KCNIP4: variants seen among roughly 807,000 people sequenced by gnomAD.
The protein encoded by KCNIP4 is potassium voltage-gated channel interacting protein 4.
In KCNIP4, 12 loss-of-function variants were observed where a neutral mutation model predicts 34.0. That is an observed-to-expected ratio of 0.35 (90% CI 0.23 to 0.57). The LOEUF (loss-of-function observed/expected upper bound fraction) is 0.57, where lower values mean the gene tolerates loss of function less well. Among genes scored for constraint, KCNIP4 ranks in the 20% least tolerant of loss-of-function variants. KCNIP4 has a pLI of 0.83. For missense variants in KCNIP4, 238 were observed against 311.7 expected (o/e 0.76, Z 1.78); for synonymous variants, 124 against 102.2 (o/e 1.21, Z -1.29).
Position 21,364,723 on chromosome 4 carries a change from T to C in KCNIP4, c.62-482014A>G, listed in dbSNP as rs572678873. Among the ~76,000 whole-genome samples the C allele has an allele frequency of 8.5e-5, 13 of 152,138 alleles. 1 individual carries two copies. Among genetic ancestry groups the C allele is most frequent in the African/African-American group, 2.9e-4 (12 of 41,542 alleles). On this transcript the variant is annotated intron_variant, in intron 1 of 8. Coordinates refer to ENST00000382152, the MANE Select transcript of KCNIP4 (RefSeq NM_025221.6). ...AAATTTCAAGAGCCATATAATCAAA[T>C]AGATTATAAGGACACACAAACCAAA...
At chr4:20,827,360 G>A (rs1405125086) in intron 3 of KCNIP4, among the ~76,000 whole-genome samples, 1 of 152,128 alleles carries the variant, frequency 6.6e-6, no homozygotes, top group East Asian at 1.9e-4. Flanking sequence ...ACTTGCAGAT[G>A]ACTAGCCTCT....
chr4:21,798,584 AAG>A (rs144137906), intron 1 of KCNIP4, among the ~76,000 whole-genome samples: 54,668 of 141,978 alleles, frequency 0.39, 11,759 homozygotes, highest in Non-Finnish European at 0.51. Flanking sequence ...GAAAGAAAGA[AAG>A]AGAAAAAATG....
chr4:21,590,073 T>C (rs950476310), intron 1 of KCNIP4, among the ~76,000 whole-genome samples: 1 of 151,942 alleles, frequency 6.6e-6, no homozygotes, highest in Non-Finnish European at 1.5e-5. Flanking sequence ...TTAGAGCTTG[T>C]ATTGTCTTGA....
intron 1 of KCNIP4, among the ~76,000 whole-genome samples, chr4:21,342,823 T>A (rs1419790826): frequency 2.6e-5 from 4 of 152,090 alleles, no homozygotes; most frequent in Non-Finnish European, 5.9e-5. Context: ...CTTTTCCTGA[T>A]ACAAGTCCTC....
chr4:20,829,249 C>T (rs1718134912), intron 3 of KCNIP4, among the ~76,000 whole-genome samples: 1 of 151,964 alleles, frequency 6.6e-6, no homozygotes, highest in Non-Finnish European at 1.5e-5. Flanking sequence ...ACTCTGTCGC[C>T]CAGGCTGGAG....
intron 1 of KCNIP4, among the ~76,000 whole-genome samples, chr4:20,886,016 C>A (rs1725266223): frequency 6.6e-6 from 1 of 152,186 alleles, no homozygotes; most frequent in African/African-American, 2.4e-5. Context: ...CTATGTTTCT[C>A]CATAGCAAGT....
At chr4:20,911,287 G>A (rs184579765) in intron 1 of KCNIP4, among the ~76,000 whole-genome samples, 3 of 152,184 alleles carry the variant, frequency 2.0e-5, no homozygotes, top group African/African-American at 2.4e-5. Context: ...TTCAATAAGT[G>A]CCCAGTTTAC....
intron 1 of KCNIP4, among the ~76,000 whole-genome samples, chr4:21,400,493 C>T (rs1316169797): frequency 1.4e-5 from 2 of 139,986 alleles, no homozygotes; most frequent in African/African-American, 5.8e-5. Flanking sequence ...CTCTCCTCTC[C>T]CCTCCCTTCC....
At chr4:21,193,813 C>T (rs2109355666) in intron 1 of KCNIP4, among the ~76,000 whole-genome samples, 1 of 152,144 alleles carries the variant, frequency 6.6e-6, no homozygotes, top group African/African-American at 2.4e-5. Context: ...CCTCGTGATC[C>T]ACCCACCTCG....
At chr4:20,767,339 C>A (rs953023677) in intron 3 of KCNIP4, 2 of 152,074 alleles carry the variant, frequency 1.3e-5, no homozygotes, top group African/African-American at 4.8e-5. Context: ...AGAATAAAGG[C>A]CACCATCATG....
intron 1 of KCNIP4, among the ~76,000 whole-genome samples, chr4:21,335,154 GA>G (rs35113686): frequency 3.8e-4 from 57 of 150,102 alleles, no homozygotes; most frequent in African/African-American, 1.3e-3. Flanking sequence ...AATTTAGTAG[GA>G]AAAAAAAATA....
At chr4:21,686,968 A>G (rs2109034764) in intron 1 of KCNIP4, among the ~76,000 whole-genome samples, 2 of 149,258 alleles carry the variant, frequency 1.3e-5, no homozygotes, top group Middle Eastern at 6.8e-3. Flanking sequence ...GCACATATAC[A>G]CCATGGAATA....
chr4:21,875,385 AATAG>A (rs1726051365), intron 1 of KCNIP4, among the ~76,000 whole-genome samples: 1 of 152,208 alleles, frequency 6.6e-6, no homozygotes, highest in Admixed American at 6.6e-5. Flanking sequence ...CAAACAAATA[AATAG>A]ATAGAAATAA....
chr4:21,443,381 A>G (rs67827706), intron 1 of KCNIP4, among the ~76,000 whole-genome samples: 14,618 of 152,182 alleles, frequency 0.096, 714 homozygotes, highest in East Asian at 0.18. Flanking sequence ...GCTGTAGAAT[A>G]TGTTAGTATA....
intron 1 of KCNIP4, among the ~76,000 whole-genome samples, chr4:21,676,141 G>A (rs960674380): frequency 6.6e-6 from 1 of 152,176 alleles, no homozygotes; most frequent in African/African-American, 2.4e-5. Context: ...CCTTTCTAGA[G>A]TATGACTGCC....
At chr4:21,381,768 G>A (rs17462464) in intron 1 of KCNIP4, among the ~76,000 whole-genome samples, 1 of 152,148 alleles carries the variant, frequency 6.6e-6, no homozygotes, top group East Asian at 1.9e-4. Context: ...ATAAATTAAT[G>A]TTTCTACGAC....
chr4:21,666,252 G>T (rs1428006959), intron 1 of KCNIP4, among the ~76,000 whole-genome samples: 1 of 152,206 alleles, frequency 6.6e-6, no homozygotes, highest in Non-Finnish European at 1.5e-5. Context: ...GGGACAGCTT[G>T]ATGAGAAGAT....
At chr4:20,785,156 G>A (rs762460508) in intron 3 of KCNIP4, among the ~76,000 whole-genome samples, 1 of 152,016 alleles carries the variant, frequency 6.6e-6, no homozygotes, top group Non-Finnish European at 1.5e-5. Context: ...GAGAAGATTA[G>A]GATGGGGGAA....
At chr4:21,683,339 A>T (rs1461764897) in intron 1 of KCNIP4, among the ~76,000 whole-genome samples, 1 of 151,932 alleles carries the variant, frequency 6.6e-6, no homozygotes, top group Non-Finnish European at 1.5e-5. Context: ...ACTAACAAAA[A>T]TCTCATGAAG....
Sources: allele counts gnomAD v4.1 joint callset (sites outside exome capture counted in the v4.1 genomes callset), GRCh38; gene constraint gnomAD v4.1.1; transcripts MANE v1.5; gene names NCBI Gene and HGNC (gene_info 2026-07-23, HGNC 2026-07-21).